Variants in AHCYL2 observed in about 807,000 individuals in gnomAD.
AHCYL2 encodes the protein S-adenosylhomocysteine hydrolase-like protein 2.
Under a neutral mutation model 81.4 loss-of-function variants are expected in AHCYL2, and 28 were observed. That is an observed-to-expected ratio of 0.34 (90% CI 0.25 to 0.47). AHCYL2 has a LOEUF of 0.47. Among genes scored for constraint, AHCYL2 ranks in the 20% least tolerant of loss-of-function variants. The probability of loss-of-function intolerance (pLI) is 1.00; values close to 1 mark genes in which losing one functional copy is unlikely to be tolerated. For synonymous variants in AHCYL2, 272 were observed against 290.2 expected, an observed-to-expected ratio of 0.94 and a Z score of 0.64; for missense variants, 551 against 785.1, an observed-to-expected ratio of 0.70 and a Z score of 3.56.
Position 129,360,629 on chromosome 7 carries a change from T to C in AHCYL2, c.364-19009T>C, listed in dbSNP as rs138775174. 7.6e-3 allele frequency among the ~76,000 whole-genome samples: 1,157 copies of C among 152,322 alleles called. 15 individuals are homozygous for C. Among genetic ancestry groups the C allele is most frequent in the African/African-American group, 0.026 (1,079 of 41,558 alleles). On this transcript the variant is annotated intron_variant, in intron 1 of 16. Transcript: ENST00000325006. ...GGGGATTACTCAGTAATTCGTGTAA[T>C]TGATTCTTAACCTAGACCAGGAACT...
intron 1 of AHCYL2, among the ~76,000 whole-genome samples, chr7:129,312,809 C>T (rs568900511): frequency 1.3e-5 from 2 of 152,262 alleles, no homozygotes; most frequent in African/African-American, 4.8e-5. Flanking sequence ...CTGTCAGAAG[C>T]TCCCTGCCTC....
chr7:129,248,093 A>G lies in AHCYL2; in HGVS notation c.363+22654A>G, dbSNP rs532183349. On this transcript the variant is annotated intron_variant, in intron 1 of 16. Coordinates refer to ENST00000325006, the MANE Select transcript of AHCYL2 (RefSeq NM_015328.4). ...CACTTATCCCAGCACCATTAGTTGA[A>G]AGAACTATCCTTTCCTCATTGAATT... is the stretch of plus-strand genomic sequence containing the variant. Among the ~76,000 whole-genome samples, 10 of 152,340 alleles carry G rather than the reference A, an allele frequency of 6.6e-5. No homozygotes were observed. In the South Asian group the frequency reaches 1.9e-3, roughly 28 times the overall value.
intron 1 of AHCYL2, among the ~76,000 whole-genome samples, chr7:129,228,044 ATTTGTTGAGCC>A (rs1423430347): frequency 2.6e-5 from 4 of 152,138 alleles, no homozygotes; most frequent in Admixed American, 6.6e-5. Flanking sequence ...TGACATTTTG[ATTTGTTGAGCC>A]TTTGTTGATT....
chr7:129,331,374 T>C (rs1407482566), intron 1 of AHCYL2, among the ~76,000 whole-genome samples: 1 of 152,158 alleles, frequency 6.6e-6, no homozygotes, highest in Non-Finnish European at 1.5e-5. Flanking sequence ...TGCATTGTTA[T>C]TTATAATATT....
At chr7:129,349,409 G>C (rs73232765) in intron 1 of AHCYL2, among the ~76,000 whole-genome samples, 21,308 of 138,016 alleles carry the variant, frequency 0.15, 1,873 homozygotes, top group South Asian at 0.25. Flanking sequence ...TGAGGCGAGA[G>C]AATCACCTGA....
rs552936633 is a variant in AHCYL2 at position 129,356,118 on chromosome 7, T to C, written c.364-23520T>C. 3.9e-5 allele frequency among the ~76,000 whole-genome samples: 6 copies of C among 152,312 alleles called. 1 individual carries two copies. Among genetic ancestry groups the C allele is most frequent in the Admixed American group, 2.6e-4 (4 of 15,286 alleles). ...ACCTTTGTCTAGATCCTGCTAATTC[T>C]TCCTTTATATGATTTCTCAAATTTG... is the stretch of plus-strand genomic sequence containing the variant. On this transcript the variant is annotated intron_variant, in intron 1 of 16. Coordinates refer to ENST00000325006, the MANE Select transcript of AHCYL2 (RefSeq NM_015328.4).
intron 1 of AHCYL2, among the ~76,000 whole-genome samples, chr7:129,271,361 A>C (rs75726641): frequency 2.4e-4 from 1 of 4,244 alleles, no homozygotes; most frequent in Non-Finnish European, 6.5e-3. Context: ...ACTGTCTCCA[A>C]AAAAAAAAAA....
chr7:129,325,003 T>TA lies in AHCYL2; in HGVS notation c.364-54634dup, dbSNP rs139831517. Among the ~76,000 whole-genome samples, 374 of 152,352 alleles carry TA rather than the reference T, an allele frequency of 2.5e-3. 4 individuals are homozygous for TA. The highest frequency in any genetic ancestry group is 4.4e-3 in the Non-Finnish European group (301 of 68,022). ...CTCAGCCTTCACATTATTATTGTCA[T>TA]ACATTTTAGTTCTGCACATAACTCC... is the stretch of plus-strand genomic sequence containing the variant. On this transcript the variant is annotated intron_variant, in intron 1 of 16. Transcript: ENST00000325006.
At chr7:129,264,622 G>A (rs1332270475) in intron 1 of AHCYL2, among the ~76,000 whole-genome samples, 2 of 152,188 alleles carry the variant, frequency 1.3e-5, no homozygotes, top group Non-Finnish European at 2.9e-5. Flanking sequence ...AGCCATTATG[G>A]AGATGGAACA....
intron 1 of AHCYL2, among the ~76,000 whole-genome samples, chr7:129,309,908 C>T (rs980637626): frequency 3.3e-5 from 5 of 152,232 alleles, no homozygotes; most frequent in Admixed American, 6.5e-5. Flanking sequence ...CATTGTCATA[C>T]AACCCACCTT....
rs1797005981 is a variant in AHCYL2 at position 129,419,355 on chromosome 7, A to G, written c.1462-3485A>G. 6.6e-6 allele frequency among the ~76,000 whole-genome samples: 1 copy of G among 152,194 alleles called. No homozygotes were observed. The highest frequency in any genetic ancestry group is 1.5e-5 in the Non-Finnish European group (1 of 68,040). ...CGGATCATGAGGTCAGGAGTTCAAG[A>G]CCAGCCTGACCAACATGGTGAAACG... On this transcript the variant is annotated intron_variant, in intron 12 of 16. Coordinates refer to ENST00000325006, the MANE Select transcript of AHCYL2 (RefSeq NM_015328.4). The surrounding 1 kb of genome is among the most constrained non-coding windows in gnomAD (Gnocchi z 4.7).
At chr7:129,297,576 C>T (rs959350078) in intron 1 of AHCYL2, among the ~76,000 whole-genome samples, 8 of 152,010 alleles carry the variant, frequency 5.3e-5, no homozygotes, top group South Asian at 4.2e-4. Context: ...CTACGGGTCC[C>T]GAAGTTGGAA....
chr7:129,372,654 C>CA (rs200294206), intron 1 of AHCYL2, among the ~76,000 whole-genome samples: 162 of 150,286 alleles, frequency 1.1e-3, no homozygotes, highest in African/African-American at 3.0e-3. Flanking sequence ...CTAAAAAGTA[C>CA]AAAAAAAAAT....
At chr7:129,280,189 T>TTTTTTTTTTTTG (rs1563179028) in intron 1 of AHCYL2, among the ~76,000 whole-genome samples, 1 of 148,948 alleles carries the variant, frequency 6.7e-6, no homozygotes, top group African/African-American at 2.5e-5. Flanking sequence ...TTTTTTTTTT[T>TTTTTTTTTTTTG]GAGAGAGTCT....
intron 1 of AHCYL2, among the ~76,000 whole-genome samples, chr7:129,327,188 A>C (rs568122211): frequency 6.6e-6 from 1 of 152,310 alleles, no homozygotes; most frequent in East Asian, 1.9e-4. Flanking sequence ...AAATGAGGTC[A>C]TAAGTGTGGA....
At chr7:129,365,886 AG>A (rs1334835405) in intron 1 of AHCYL2, among the ~76,000 whole-genome samples, 1 of 151,924 alleles carries the variant, frequency 6.6e-6, no homozygotes, top group East Asian at 1.9e-4. Flanking sequence ...TGTTGTTTGG[AG>A]GGGGGCGGGA....
chr7:129,299,285 A>AC (rs1468594277), intron 1 of AHCYL2, among the ~76,000 whole-genome samples: 1 of 149,702 alleles, frequency 6.7e-6, no homozygotes, highest in Non-Finnish European at 1.5e-5. Context: ...TCTACCAAAA[A>AC]AAAAAAAACA....
Position 129,339,193 on chromosome 7 carries a change from A to AT in AHCYL2, c.364-40442dup, listed in dbSNP as rs562182462. Among the ~76,000 whole-genome samples, 160 of 152,114 alleles carry AT rather than the reference A, an allele frequency of 1.1e-3. 1 individual carries two copies. Among genetic ancestry groups the AT allele is most frequent in the African/African-American group, 3.3e-3 (137 of 41,478 alleles). ...AGGTTCTTGTCTCTTATGTTTGCTT[A>AT]TTTGTTTGTTTTAAAGAACCAGTTC... is the stretch of plus-strand genomic sequence containing the variant. On this transcript the variant is annotated intron_variant, in intron 1 of 16. Coordinates refer to ENST00000325006, the MANE Select transcript of AHCYL2 (RefSeq NM_015328.4).
In AHCYL2 at chr7:129,342,934, A is replaced by G. The variant is rs145462505; in HGVS notation, c.364-36704A>G. Among the ~76,000 whole-genome samples, 736 of 152,244 alleles carry G rather than the reference A, an allele frequency of 4.8e-3. 8 individuals carry two copies. Among genetic ancestry groups the G allele is most frequent in the African/African-American group, 0.017 (704 of 41,558 alleles). On this transcript the variant is annotated intron_variant, in intron 1 of 16. Coordinates refer to ENST00000325006, the MANE Select transcript of AHCYL2 (RefSeq NM_015328.4). ...TATTTATACTATGTATCTTGAAACA[A>G]TTTCATTTACATCTTTTAATTATGT...
Sources: allele counts gnomAD v4.1 joint callset (sites outside exome capture counted in the v4.1 genomes callset), GRCh38; gene constraint gnomAD v4.1.1; non-coding constraint Gnocchi (gnomAD v3.1); transcripts MANE v1.5; gene names NCBI Gene and HGNC (gene_info 2026-07-23, HGNC 2026-07-21).